GRM5: variants seen among roughly 807,000 people sequenced by gnomAD.
GRM5 encodes metabotropic glutamate receptor 5.
A neutral mutation model predicts 83.1 loss-of-function variants in GRM5; 19 were observed. The ratio of observed to expected loss-of-function variants is 0.23; its 90% CI spans 0.16 to 0.34. GRM5 has a LOEUF of 0.34. Ranked by LOEUF, GRM5 falls within the 10% of genes least tolerant of loss-of-function variation. GRM5 has a pLI of 1.00. For missense variants in GRM5, 1,160 were observed against 1,588.3 expected, an observed-to-expected ratio of 0.73 and a Z score of 4.58; for synonymous variants, 675 against 633.6, an observed-to-expected ratio of 1.07 and a Z score of -0.98.
intron 2 of GRM5, among the ~76,000 whole-genome samples, chr11:88,976,932 A>G (rs1939360159): frequency 6.6e-6 from 1 of 151,962 alleles, no homozygotes; most frequent in South Asian, 2.1e-4. Context: ...TACTGTTGGA[A>G]AGAGAAAAAA....
At chr11:88,829,263 C>A (rs546500932) in intron 3 of GRM5, among the ~76,000 whole-genome samples, 2 of 152,282 alleles carry the variant, frequency 1.3e-5, no homozygotes, top group South Asian at 4.1e-4. Context: ...GAGTCTGAGA[C>A]CAGCCTGGCC....
intron 7 of GRM5, among the ~76,000 whole-genome samples, chr11:88,579,508 G>A (rs576619337): frequency 2.3e-4 from 35 of 152,262 alleles, no homozygotes; most frequent in African/African-American, 8.2e-4. Flanking sequence ...GTATTAAACG[G>A]GTTGCTCAGG....
chr11:89,009,242 T>C, intron 2 of GRM5: 1 of 551,174 alleles, frequency 1.8e-6, no homozygotes, highest in Non-Finnish European at 3.3e-6. Flanking sequence ...CACTAAATTG[T>C]AAATCAAGTA....
At chr11:88,787,072 G>GT (rs1943084745) in intron 3 of GRM5, among the ~76,000 whole-genome samples, 2 of 151,562 alleles carry the variant, frequency 1.3e-5, no homozygotes, top group Admixed American at 1.3e-4. Context: ...ACAGATTGTA[G>GT]TTAATAGAAT....
intron 2 of GRM5, among the ~76,000 whole-genome samples, chr11:89,007,013 G>T (rs1940549320): frequency 6.6e-6 from 1 of 152,292 alleles, no homozygotes; most frequent in East Asian, 1.9e-4. Flanking sequence ...TAGCCAGGAT[G>T]GTCTCCATCT....
chr11:88,564,065 C>T (rs569126913), intron 8 of GRM5, among the ~76,000 whole-genome samples: 42 of 152,128 alleles, frequency 2.8e-4, no homozygotes, highest in Non-Finnish European at 5.1e-4. Context: ...GCTTTCCCTG[C>T]CCCTTTTTCT....
intron 7 of GRM5, among the ~76,000 whole-genome samples, chr11:88,582,527 C>A (rs1164848973): frequency 2.0e-5 from 3 of 152,148 alleles, no homozygotes; most frequent in Non-Finnish European, 4.4e-5. Flanking sequence ...ACTATCTAAC[C>A]TAGAAACCAA....
In GRM5 at chr11:88,658,107, T is replaced by C. The variant is rs555031021; in HGVS notation, c.912-4704A>G. Among the ~76,000 whole-genome samples the C allele has an allele frequency of 3.3e-5, 5 of 152,242 alleles. No homozygotes were observed. In the South Asian group the frequency reaches 1.0e-3, roughly 32 times the overall value. On this transcript the variant is annotated intron_variant, in intron 3 of 9. Coordinates refer to ENST00000305447, the MANE Select transcript of GRM5 (RefSeq NM_001143831.3). ...ATTACCTCCTGAGCTCTGTCACCTG[T>C]TAGATCTAATGCAGAGGCATTAGAT...
intron 6 of GRM5, among the ~76,000 whole-genome samples, chr11:88,594,393 G>A (rs1317589460): frequency 2.0e-5 from 3 of 152,160 alleles, no homozygotes; most frequent in African/African-American, 7.2e-5. Context: ...GGGCCATACA[G>A]TCTCTATTGC....
At chr11:88,706,347 A>G (rs1941158076) in intron 3 of GRM5, among the ~76,000 whole-genome samples, 2 of 152,038 alleles carry the variant, frequency 1.3e-5, no homozygotes, top group Non-Finnish European at 2.9e-5. Context: ...TTGTTTCAAC[A>G]TCTGTGTTCT....
chr11:88,652,225 A>G (rs1939649753), intron 4 of GRM5, among the ~76,000 whole-genome samples: 1 of 152,036 alleles, frequency 6.6e-6, no homozygotes, highest in Non-Finnish European at 1.5e-5. Flanking sequence ...TTCAATTTGC[A>G]TTTTCCTGCA....
chr11:88,812,953 T>C (rs1210820847), intron 3 of GRM5, among the ~76,000 whole-genome samples: 2 of 152,138 alleles, frequency 1.3e-5, no homozygotes, highest in Non-Finnish European at 2.9e-5. Context: ...ATTTTATAGC[T>C]TTTCTCACCT....
intron 3 of GRM5, among the ~76,000 whole-genome samples, chr11:88,848,864 G>A (rs1388463425): frequency 6.6e-6 from 1 of 152,158 alleles, no homozygotes; most frequent in Admixed American, 6.5e-5. Context: ...AATATGGATG[G>A]ACTTCAAACA....
rs1941147887 is a variant in GRM5, at chr11:88,505,075, T to C, written c.*3517A>G. 1 of 152,302 alleles carries C rather than the reference T, an allele frequency of 6.6e-6. No homozygotes were observed. Among genetic ancestry groups the C allele is most frequent in the East Asian group, 1.9e-4 (1 of 5,188 alleles). The allele number at this position is 152,302 out of a possible 1,614,324, so 9.4% of individuals were successfully genotyped here. ...CAGTGAAATTCAACCAACTATTTTA[T>C]ACATGCCTCATTCTTCAATAGACAG... is the stretch of plus-strand genomic sequence containing the variant. On this transcript the variant is annotated 3_prime_UTR_variant, in exon 10 of 10. Coordinates refer to ENST00000305447, the MANE Select transcript of GRM5 (RefSeq NM_001143831.3).
chr11:88,789,915 C>T (rs546340645), intron 3 of GRM5, among the ~76,000 whole-genome samples: 13 of 152,076 alleles, frequency 8.5e-5, no homozygotes, highest in African/African-American at 1.4e-4. Context: ...AGGGCAGTGG[C>T]GCAATCTTAG....
intron 2 of GRM5, among the ~76,000 whole-genome samples, chr11:88,896,646 G>A (rs529845545): frequency 8.6e-5 from 13 of 152,028 alleles, no homozygotes; most frequent in Non-Finnish European, 1.8e-4. Flanking sequence ...GGCCAATGAT[G>A]TGAGTCCTAG....
At chr11:88,851,831 C>G (rs1404458373) in intron 2 of GRM5, among the ~76,000 whole-genome samples, 2 of 152,142 alleles carry the variant, frequency 1.3e-5, no homozygotes, top group African/African-American at 4.8e-5. Context: ...CCTCCTTCTC[C>G]AGAATTAAAA....
chr11:89,015,262 C>A (rs1191991777), intron 2 of GRM5, among the ~76,000 whole-genome samples: 1 of 152,160 alleles, frequency 6.6e-6, no homozygotes, highest in African/African-American at 2.4e-5. Flanking sequence ...AATTCTCATA[C>A]AAAAGTCAGT....
chr11:89,061,596 C>G (rs1024363302), intron 1 of GRM5, among the ~76,000 whole-genome samples: 1 of 152,100 alleles, frequency 6.6e-6, no homozygotes, highest in Non-Finnish European at 1.5e-5. Flanking sequence ...CAAGTATTCC[C>G]AAAGTCTGGA....
Sources: allele counts gnomAD v4.1 joint callset (sites outside exome capture counted in the v4.1 genomes callset), GRCh38; gene constraint gnomAD v4.1.1; transcripts MANE v1.5; gene names NCBI Gene and HGNC (gene_info 2026-07-23, HGNC 2026-07-21).